KLHL3: variants seen among roughly 807,000 people sequenced by gnomAD.
The protein encoded by KLHL3 is kelch-like protein 3.
A neutral mutation model predicts 70.5 loss-of-function variants in KLHL3; 19 were observed. That is an observed-to-expected ratio of 0.27 (90% CI 0.19 to 0.40). The LOEUF (loss-of-function observed/expected upper bound fraction) is 0.40. KLHL3 is among the 10% of genes least tolerant of loss of function. KLHL3 has a pLI of 1.00. For missense variants in KLHL3, 512 were observed against 771.1 expected, an observed-to-expected ratio of 0.66 and a Z score of 3.98; for synonymous variants, 258 against 290.3, an observed-to-expected ratio of 0.89 and a Z score of 1.13.
intron 7 of KLHL3, among the ~76,000 whole-genome samples, chr5:137,660,244 C>G (rs1320479814): frequency 2.6e-5 from 4 of 152,186 alleles, no homozygotes; most frequent in African/African-American, 9.6e-5. Context: ...GGAGCCATTT[C>G]CTAATGGTGA....
chr5:137,735,693 T>A lies in KLHL3; in HGVS notation c.-47A>T. 6.2e-7 allele frequency: 1 copy of A among 1,614,058 alleles called. No individual in the cohort carries two copies. Among genetic ancestry groups the A allele is most frequent in the Non-Finnish European group, 8.5e-7 (1 of 1,179,900 alleles). ...GGTAGCTGCTGAACTGTGTATGCAC[T>A]CGGGGATCCTAGTTCTGTTCTTGAT... On this transcript the variant is annotated 5_prime_UTR_variant, in exon 1 of 15. Transcript: ENST00000309755.
intron 5 of KLHL3, among the ~76,000 whole-genome samples, chr5:137,686,822 TTCTTCTAACA>T (rs1752177493): frequency 6.6e-6 from 1 of 152,252 alleles, no homozygotes; most frequent in Admixed American, 6.5e-5. Context: ...CTTCATTCCC[TTCTTCTAACA>T]TCTTTGCATC....
At chr5:137,660,004 C>T (rs1392467933) in intron 7 of KLHL3, among the ~76,000 whole-genome samples, 1 of 152,128 alleles carries the variant, frequency 6.6e-6, no homozygotes, top group Non-Finnish European at 1.5e-5. Context: ...CCTTCTCCTC[C>T]TCCTCCTCCA....
intron 3 of KLHL3, chr5:137,706,487 A>G (rs1752687889): frequency 1.9e-6 from 1 of 520,086 alleles, no homozygotes; most frequent in African/African-American, 2.1e-5. Context: ...TCTTTAGATC[A>G]ATGCGGCACA....
At chr5:137,731,001 C>T (rs1753164663) in intron 1 of KLHL3, among the ~76,000 whole-genome samples, 1 of 151,502 alleles carries the variant, frequency 6.6e-6, no homozygotes, top group Non-Finnish European at 1.5e-5. Context: ...TCCGTTTAAC[C>T]TAGTTTGAAC....
intron 1 of KLHL3, among the ~76,000 whole-genome samples, chr5:137,728,130 T>C (rs927826333): frequency 1.3e-5 from 2 of 152,212 alleles, no homozygotes; most frequent in African/African-American, 4.8e-5. Flanking sequence ...ATATAATTTA[T>C]AAGTTACATA....
At chr5:137,711,573 G>A (rs1752792142) in intron 2 of KLHL3, among the ~76,000 whole-genome samples, 2 of 152,206 alleles carry the variant, frequency 1.3e-5, no homozygotes, top group South Asian at 4.1e-4. Flanking sequence ...AAAACCGGGG[G>A]ATTGAGACCT....
chr5:137,694,956 C>CA (rs1342655666), intron 4 of KLHL3, among the ~76,000 whole-genome samples: 1 of 152,048 alleles, frequency 6.6e-6, no homozygotes, highest in East Asian at 1.9e-4. Flanking sequence ...CTCTCCCCAC[C>CA]ACCCACCATC....
intron 5 of KLHL3, among the ~76,000 whole-genome samples, chr5:137,686,363 G>A (rs1045621056): frequency 6.6e-6 from 1 of 152,152 alleles, no homozygotes; most frequent in Non-Finnish European, 1.5e-5. Context: ...TCCATAGAAT[G>A]CTCTCCTCCC....
chr5:137,625,579 G>T (rs1485026759), intron 14 of KLHL3, among the ~76,000 whole-genome samples, 174 bp downstream of exon 14: 1 of 152,174 alleles, frequency 6.6e-6, no homozygotes, highest in Non-Finnish European at 1.5e-5. Context: ...TATCTGTCAT[G>T]AGTGCAGAAT....
Position 137,677,540 on chromosome 5 carries a change from C to A in KLHL3, c.636+5G>T, listed in dbSNP as rs1751914907. ...TTCCCGTTTCCCCAGTGAGCCATGT[C>A]ATACCTTCTCTTCTGAAGAAACGGT... is the stretch of plus-strand genomic sequence containing the variant. On this transcript the variant is annotated splice_donor_5th_base_variant and intron_variant, in intron 6 of 14. Transcript: ENST00000309755. The A allele has an allele frequency of 1.3e-6, 2 of 1,572,418 alleles. No homozygotes were observed. Among genetic ancestry groups the A allele is most frequent in the South Asian group, 1.1e-5 (1 of 87,460 alleles).
intron 8 of KLHL3, among the ~76,000 whole-genome samples, chr5:137,654,205 T>C (rs918912046): frequency 2.0e-5 from 3 of 152,198 alleles, no homozygotes; most frequent in Non-Finnish European, 4.4e-5. Context: ...TAAAAACTTA[T>C]CACATTGTAT....
At chr5:137,733,975 G>A (rs978306647) in intron 1 of KLHL3, among the ~76,000 whole-genome samples, 10 of 152,202 alleles carry the variant, frequency 6.6e-5, no homozygotes, top group African/African-American at 2.2e-4. Flanking sequence ...TTCAGCAGAG[G>A]AAAAGTACAA....
At chr5:137,702,708 C>T (rs1333749230) in intron 3 of KLHL3, among the ~76,000 whole-genome samples, 1 of 152,162 alleles carries the variant, frequency 6.6e-6, no homozygotes, top group Non-Finnish European at 1.5e-5. Context: ...GGCAGATTGA[C>T]CAATGAGAAG....
chr5:137,622,095 G>C lies in KLHL3; in HGVS notation c.*3C>G, dbSNP rs754244191. 3 of 1,614,180 alleles carry C rather than the reference G, an allele frequency of 1.9e-6. No individual in the cohort carries two copies. Among genetic ancestry groups the C allele is most frequent in the South Asian group, 1.1e-5 (1 of 91,078 alleles). ...CTCCACCTCCTGGCAGTAGGAGTTT[G>C]GGTCACAAGGACTTGTGAATCACGG... On this transcript the variant is annotated 3_prime_UTR_variant, in exon 15 of 15. Transcript: ENST00000309755.
chr5:137,677,667 A>T lies in KLHL3; in HGVS notation c.527-13T>A. ...GGAAAGTGCTGCTCTGTTCCAAAAA[A>T]AAAAAAAAGAAGTTAAGAAAACAAA... On this transcript the variant is annotated splice_polypyrimidine_tract_variant and intron_variant, in intron 5 of 14. Transcript: ENST00000309755. 1 of 1,516,372 alleles carries T rather than the reference A, an allele frequency of 6.6e-7. No homozygotes were observed. The allele number at this position is 1,516,372 out of a possible 1,614,324, so 93.9% of individuals were successfully genotyped here. A position where few individuals can be genotyped will look rare whatever the true frequency, so the allele number is the denominator to read the frequency against.
chr5:137,662,279 ACACAC>A lies in KLHL3; in HGVS notation c.637-253_637-249del, dbSNP rs200852146. Among the ~76,000 whole-genome samples, 972 of 150,494 alleles carry A rather than the reference ACACAC, an allele frequency of 6.5e-3. 13 individuals carry two copies. Among genetic ancestry groups the A allele is most frequent in the African/African-American group, 0.023 (919 of 40,464 alleles). ...CACACACACACACACACACACACAC[ACACAC>A]AAGGACAAACCTGCTATCCCAAATG... On this transcript the variant is annotated intron_variant, in intron 6 of 14. Transcript: ENST00000309755.
At chr5:137,691,521 G>A (rs1752321008) in intron 5 of KLHL3, among the ~76,000 whole-genome samples, 1 of 152,140 alleles carries the variant, frequency 6.6e-6, no homozygotes, top group African/African-American at 2.4e-5. Flanking sequence ...ATTCCTTAAG[G>A]ATTGAAAATG....
intron 12 of KLHL3, chr5:137,628,699 ATAT>A (rs1750548690): frequency 1.4e-4 from 15 of 103,920 alleles, no homozygotes; most frequent in Non-Finnish European, 2.0e-4. Context: ...ATTAAAAAAT[ATAT>A]ATATATATAT....
Sources: gnomAD v4.1 joint callset for allele counts (sites outside exome capture counted in the v4.1 genomes callset) on GRCh38, gnomAD v4.1.1 for gene constraint, MANE v1.5 for transcripts, NCBI Gene and HGNC (gene_info 2026-07-23, HGNC 2026-07-21) for gene names.